Variants in STOX2 observed in about 807,000 individuals in gnomAD.
STOX2 encodes storkhead box 2, also known as storkhead-box protein 2.
In STOX2, 28 loss-of-function variants were observed where a neutral mutation model predicts 60.9. That is an observed-to-expected ratio of 0.46 (90% CI 0.34 to 0.63). The LOEUF (loss-of-function observed/expected upper bound fraction) is 0.63, where lower values mean the gene tolerates loss of function less well. Ranked by LOEUF, STOX2 falls within the 30% of genes least tolerant of loss-of-function variation. The pLI, the probability that STOX2 is intolerant of heterozygous loss-of-function variation, is 0.01. For synonymous variants in STOX2, 472 were observed against 463.9 expected (o/e 1.02, Z -0.22); for missense variants, 1,024 against 1,187.7 (o/e 0.86, Z 2.03).
At chr4:183,849,680 A>G (rs1740069119) in intron 1 of STOX2, among the ~76,000 whole-genome samples, 1 of 152,168 alleles carries the variant, frequency 6.6e-6, no homozygotes, top group Non-Finnish European at 1.5e-5. Flanking sequence ...CTCTACCAAG[A>G]TCTCTACAGC....
rs529921282 is a variant in STOX2 at position 183,963,549 on chromosome 4, C to T, written c.167-37776C>T. ...TCAAACGATTCTCATGCCTCAGCCT[C>T]CTGAGTAGCTGGGATTATAGGTGCC... On this transcript the variant is annotated intron_variant, in intron 1 of 3. Coordinates refer to ENST00000308497, the MANE Select transcript of STOX2 (RefSeq NM_020225.3). Among the ~76,000 whole-genome samples the T allele has an allele frequency of 4.0e-5, 6 of 151,526 alleles. No homozygotes were observed. In the South Asian group the frequency reaches 1.2e-3, roughly 31 times the overall value.
At position 183,821,987 on chromosome 4, in the gene STOX2, T is replaced by G. The variant is rs902386580; in HGVS notation, c.364+23932T>G. Among the ~76,000 whole-genome samples the G allele has an allele frequency of 1.3e-5, 2 of 152,144 alleles. No homozygotes were observed. Among genetic ancestry groups the G allele is most frequent in the Non-Finnish European group, 2.9e-5 (2 of 68,024 alleles). On this transcript the variant is annotated intron_variant, in intron 1 of 2. Transcript: ENST00000513034. The surrounding 1 kb of genome is among the most constrained non-coding windows in gnomAD (Gnocchi z 4.2). ...AAAAGGTGATACAGTTTGTGTCGGG[T>G]CTTGCAGCCAGGCTGGCTGGGGGTG...
chr4:183,920,367 C>T (rs368282383), intron 1 of STOX2, among the ~76,000 whole-genome samples: 5 of 152,152 alleles, frequency 3.3e-5, no homozygotes, highest in African/African-American at 7.2e-5. Flanking sequence ...CTTGGCCTCC[C>T]GAAGTGCTGG....
At chr4:183,979,523 T>A (rs1732574204) in intron 1 of STOX2, among the ~76,000 whole-genome samples, 1 of 152,210 alleles carries the variant, frequency 6.6e-6, no homozygotes, top group Non-Finnish European at 1.5e-5. Context: ...GATGAAAATG[T>A]TCTGTATCTG....
At chr4:183,884,239 A>G (rs1254809311) in intron 1 of STOX2, among the ~76,000 whole-genome samples, 1 of 3,978 alleles carries the variant, frequency 2.5e-4, no homozygotes, top group East Asian at 0.062. Context: ...GAGTATCAGT[A>G]TATTAAAAAA....
intron 2 of STOX2, among the ~76,000 whole-genome samples, chr4:184,002,641 C>G (rs1178445796): frequency 1.3e-5 from 2 of 152,202 alleles, no homozygotes; most frequent in African/African-American, 2.4e-5. Flanking sequence ...AGAGCACAAG[C>G]CCATGGCACG....
chr4:183,818,760 T>C (rs958703280), intron 1 of STOX2, among the ~76,000 whole-genome samples: 41 of 150,746 alleles, frequency 2.7e-4, no homozygotes, highest in African/African-American at 9.3e-4. Flanking sequence ...GGGCGGCTGC[T>C]GGGCGGAGAC....
chr4:183,867,197 G>T (rs1740589087), intron 1 of STOX2, among the ~76,000 whole-genome samples: 1 of 152,184 alleles, frequency 6.6e-6, no homozygotes, highest in Admixed American at 6.5e-5. Flanking sequence ...GGCACACCCA[G>T]TGTTTAGAAA....
chr4:183,841,311 T>G lies in STOX2; in HGVS notation c.364+43256T>G, dbSNP rs145284501. Among the ~76,000 whole-genome samples, 465 of 152,160 alleles carry G rather than the reference T, an allele frequency of 3.1e-3. 1 individual carries two copies. Among genetic ancestry groups the G allele is most frequent in the Admixed American group, 5.0e-3 (77 of 15,274 alleles). ...TTAGCTTCCTGGGTAGCTAGTACTA[T>G]AGGTGCATGCCACCACACCAGGCTA... is the stretch of plus-strand genomic sequence containing the variant. On this transcript the variant is annotated intron_variant, in intron 1 of 2. Transcript: ENST00000513034.
chr4:183,806,402 C>A lies in STOX2; in HGVS notation c.364+8347C>A, dbSNP rs1017885719. On this transcript the variant is annotated intron_variant, in intron 1 of 2. Transcript: ENST00000513034. This position sits in a 1 kb window ranked among gnomAD's most constrained non-coding sequence, Gnocchi z 4.1. ...CAAAATCACCTCCTTCTCATGAATC[C>A]GGGAGTCCCTGGAGCTCACGGAGGG... 7.2e-5 allele frequency among the ~76,000 whole-genome samples: 11 copies of A among 152,084 alleles called. No individual in the cohort carries two copies. The highest frequency in any genetic ancestry group is 2.7e-4 in the African/African-American group (11 of 41,398).
Position 184,011,505 on chromosome 4 carries a change from T to A in STOX2, c.2585+82T>A, listed in dbSNP as rs945655705. 1.7e-5 allele frequency: 27 copies of A among 1,582,618 alleles called. No individual in the cohort carries two copies. In the African/African-American group the frequency reaches 3.7e-4, roughly 21 times the overall value. ...GCACGTAACTTGACAAGTTTCTGATTTCGTAGTCTCAGTTCTATGGATGAG... is the reference window on the plus strand; with the variant it reads ...GCACGTAACTTGACAAGTTTCTGATATCGTAGTCTCAGTTCTATGGATGAG... On this transcript the variant is annotated intron_variant, in intron 3 of 3. Transcript: ENST00000308497. The surrounding 1 kb of genome is among the most constrained non-coding windows in gnomAD (Gnocchi z 4.4).
At chr4:183,963,488 G>C (rs1280137547) in intron 1 of STOX2, among the ~76,000 whole-genome samples, 1 of 145,560 alleles carries the variant, frequency 6.9e-6, no homozygotes, top group African/African-American at 2.5e-5. Context: ...GTGCAATGGT[G>C]TGATCTCTGC....
intron 1 of STOX2, among the ~76,000 whole-genome samples, chr4:183,843,214 T>C (rs993549919): frequency 2.0e-5 from 3 of 150,936 alleles, no homozygotes; most frequent in African/African-American, 7.3e-5. Context: ...TTGCAGGTGG[T>C]ATCCCAATCT....
chr4:183,870,945 A>G (rs188503389), intron 1 of STOX2, among the ~76,000 whole-genome samples: 5 of 152,348 alleles, frequency 3.3e-5, no homozygotes, highest in Non-Finnish European at 7.4e-5. Context: ...ATATGATTCT[A>G]TCCTGAAAGT....
chr4:183,924,030 G>A (rs1180413441), intron 1 of STOX2, among the ~76,000 whole-genome samples: 1 of 152,162 alleles, frequency 6.6e-6, no homozygotes, highest in Non-Finnish European at 1.5e-5. Flanking sequence ...TGTAGCTTGG[G>A]ATGGGGTCCA....
At chr4:183,927,028 G>A (rs1263063485) in intron 1 of STOX2, among the ~76,000 whole-genome samples, 2 of 152,248 alleles carry the variant, frequency 1.3e-5, no homozygotes, top group Non-Finnish European at 2.9e-5. Flanking sequence ...TGCTATTGGT[G>A]CAGAAGTGGC....
At chr4:183,992,098 A>G (rs951556399) in intron 1 of STOX2, among the ~76,000 whole-genome samples, 5 of 152,184 alleles carry the variant, frequency 3.3e-5, no homozygotes, top group Admixed American at 1.3e-4. Context: ...CTGAATTCTG[A>G]CATAGTCCTT....
Position 183,874,991 on chromosome 4 carries a change from A to ATATATATATATG in STOX2, c.364+76938_364+76939insTATATATATGTA, listed in dbSNP as rs150927457. Among the ~76,000 whole-genome samples the ATATATATATATG allele has an allele frequency of 1.3e-3, 109 of 84,818 alleles. 5 individuals are homozygous for ATATATATATATG. The highest frequency in any genetic ancestry group is 1.8e-3 in the Non-Finnish European group (81 of 44,970). The allele number at this position is 84,818 out of a possible 152,430, so 55.6% of individuals were successfully genotyped here. A position where few individuals can be genotyped will look rare whatever the true frequency, so the allele number is the denominator to read the frequency against. On this transcript the variant is annotated intron_variant, in intron 1 of 2. Transcript: ENST00000513034. ...TATATATATATATATATATATATAT[A>ATATATATATATG]TAAAACTTAGAATTTTGCAGTGTGA...
chr4:183,809,194 G>A (rs1403599976), intron 1 of STOX2, among the ~76,000 whole-genome samples: 1 of 152,026 alleles, frequency 6.6e-6, no homozygotes, highest in Non-Finnish European at 1.5e-5. Flanking sequence ...AGATCCTTCC[G>A]CTTCAGCCTC....
Sources: allele counts gnomAD v4.1 joint callset (sites outside exome capture counted in the v4.1 genomes callset), GRCh38; gene constraint gnomAD v4.1.1; non-coding constraint Gnocchi (gnomAD v3.1); transcripts MANE v1.5; gene names NCBI Gene and HGNC (gene_info 2026-07-23, HGNC 2026-07-21).